Variants in TLR6 observed in about 807,000 individuals in gnomAD.
The protein encoded by TLR6 is toll-like receptor 6.
In TLR6, 9 loss-of-function variants were observed where a neutral mutation model predicts 16.1. The ratio of observed to expected loss-of-function variants is 0.56; its 90% confidence interval spans 0.34 to 0.98. The LOEUF (loss-of-function observed/expected upper bound fraction) is 0.98. TLR6 is among the 50% of genes least tolerant of loss of function. The probability of loss-of-function intolerance (pLI) is 0.02; values close to 1 mark genes in which losing one functional copy is unlikely to be tolerated. For synonymous variants in TLR6, 340 were observed against 338.6 expected (o/e 1.00, Z -0.04); for missense variants, 786 against 921.0 (o/e 0.85, Z 1.90).
At chr4:38,839,052 AAGAG>A (rs1269439847) in intron 1 of TLR6, among the ~76,000 whole-genome samples, 4 of 127,230 alleles carry the variant, frequency 3.1e-5, no homozygotes, top group African/African-American at 1.4e-4. Flanking sequence ...AAGAAAGAAA[AAGAG>A]AGAAAGAAAT....
chr4:38,858,156 G>A (rs1403104333), upstream of TLR6, among the ~76,000 whole-genome samples: 1 of 152,218 alleles, frequency 6.6e-6, no homozygotes, highest in Admixed American at 6.5e-5. Context: ...TAGCGAAGAT[G>A]GCAATGACAG....
Position 38,829,010 on chromosome 4 carries a change from G to A in TLR6, c.464C>T (p.Ala155Val), listed in dbSNP as rs367884238. ...CAAATCTAATTTTTGCAGCTTCATA[G>A]CACTCAATCCCAAGAAATTCAGTTG... Residue 155 changes from alanine (A) to valine (V), a missense_variant, in exon 2 of 2, where the codon GCT becomes GTT. Transcript: ENST00000436693. 1.7e-5 allele frequency: 27 copies of A among 1,613,928 alleles called. No individual in the cohort carries two copies. The African/African-American group carries it at 3.6e-4, about 22-fold the overall frequency.
intron 1 of TLR6, among the ~76,000 whole-genome samples, chr4:38,830,659 G>A (rs1017366653): frequency 1.3e-5 from 2 of 152,134 alleles, no homozygotes; most frequent in African/African-American, 4.8e-5. Context: ...AGGCTCCAAT[G>A]AGCTGTGATT....
the TLR6 span, among the ~76,000 whole-genome samples, chr4:38,866,810 T>TA: frequency 6.6e-6 from 1 of 152,134 alleles, no homozygotes; most frequent in South Asian, 2.1e-4. Context: ...CCACACACTA[T>TA]AAAAAATGGT....
intron 1 of TLR6, among the ~76,000 whole-genome samples, chr4:38,841,127 C>T (rs1212377492): frequency 9.9e-5 from 15 of 152,042 alleles, no homozygotes; most frequent in Non-Finnish European, 1.9e-4. Flanking sequence ...CTATTTTTTA[C>T]AATTTGCTAT....
At position 38,828,982 on chromosome 4, in the gene TLR6, C is replaced by A. The variant is rs56393985; in HGVS notation, c.492G>T (p.Leu164=). Residue 164 remains leucine (L), a synonymous_variant, in exon 2 of 2, where the codon CTG becomes CTT. Coordinates refer to ENST00000436693, the Ensembl canonical transcript of TLR6. ...AACTTAGATGCAAGTGAGCAATTGGCAGCAAATCTAATTTTTGCAGCTTCA... is the reference window on the plus strand; with the variant it reads ...AACTTAGATGCAAGTGAGCAATTGGAAGCAAATCTAATTTTTGCAGCTTCA... 179 of 1,613,786 alleles carry A rather than the reference C, an allele frequency of 1.1e-4. 3 individuals carry two copies. The highest frequency in any genetic ancestry group is 1.1e-3 in the South Asian group (101 of 91,058).
intron 1 of TLR6, among the ~76,000 whole-genome samples, chr4:38,845,800 T>C (rs973140192): frequency 2.6e-5 from 4 of 152,134 alleles, no homozygotes; most frequent in African/African-American, 9.7e-5. Flanking sequence ...AGAAAATTAG[T>C]AGAGACTGGG....
chr4:38,838,412 C>T (rs1044244194), intron 1 of TLR6, among the ~76,000 whole-genome samples: 5 of 152,168 alleles, frequency 3.3e-5, no homozygotes, highest in African/African-American at 1.2e-4. Context: ...TACCATTCAG[C>T]CATTTAAAAT....
chr4:38,829,475 A>G, exon 2 of TLR6: 1 of 1,592,976 alleles, frequency 6.3e-7, no homozygotes, highest in Non-Finnish European at 8.6e-7. Flanking sequence ...TTTGGTCATG[A>G]TGTTGCAGTG....
intron 1 of TLR6, among the ~76,000 whole-genome samples, chr4:38,855,410 T>C (rs1712941509): frequency 6.6e-6 from 1 of 152,162 alleles, no homozygotes; most frequent in Non-Finnish European, 1.5e-5. Flanking sequence ...CCCTAAAATG[T>C]CTCATTTTGA....
chr4:38,829,189 A>G (rs1190681060), exon 2 of TLR6: 1 of 1,614,196 alleles, frequency 6.2e-7, no homozygotes, highest in Admixed American at 1.7e-5. Context: ...TGAACTTGAA[A>G]ACACTTAAAT....
At position 38,847,641 on chromosome 4, in the gene TLR6, G is replaced by C. The variant is rs549018595; in HGVS notation, c.-65+9120C>G. Among the ~76,000 whole-genome samples the C allele has an allele frequency of 2.0e-5, 3 of 152,292 alleles. No homozygotes were observed. The East Asian group carries it at 5.8e-4, about 29-fold the overall frequency. On this transcript the variant is annotated intron_variant, in intron 1 of 1. Coordinates refer to ENST00000436693, the Ensembl canonical transcript of TLR6. The stretch of plus-strand genomic sequence containing the variant: ...ACGGCATACCAGGAGATTATATCCC[G>C]CACCTGGCTTGGAGGGTCCCACACC...
chr4:38,830,014 T>C (rs1040095956), intron 1 of TLR6, among the ~76,000 whole-genome samples: 12 of 152,178 alleles, frequency 7.9e-5, no homozygotes, highest in Non-Finnish European at 1.3e-4. Flanking sequence ...GAAATCTCTG[T>C]ATATACCAGG....
chr4:38,831,338 C>G, intron 1 of TLR6, among the ~76,000 whole-genome samples: 1 of 151,414 alleles, frequency 6.6e-6, no homozygotes, highest in East Asian at 1.9e-4. Flanking sequence ...AGACGCAGAC[C>G]TTACAGTTTT....
chr4:38,866,409 C>T, the TLR6 span, among the ~76,000 whole-genome samples: 3 of 151,948 alleles, frequency 2.0e-5, no homozygotes, highest in Admixed American at 6.5e-5. Flanking sequence ...AGGAGAATTG[C>T]TTGAACCCAG....
At chr4:38,828,147 A>T (rs1727643036) in exon 2 of TLR6, 1 of 1,614,232 alleles carries the variant, frequency 6.2e-7, no homozygotes. Flanking sequence ...CTGAAAACAG[A>T]GTCAGTAAGC....
chr4:38,827,587 C>G lies in TLR6; in HGVS notation c.1887G>C (p.Arg629Ser), dbSNP rs368695795. 2.5e-6 allele frequency: 4 copies of G among 1,614,202 alleles called. No homozygotes were observed. In the South Asian group the frequency reaches 4.4e-5, roughly 18 times the overall value. The stretch of plus-strand genomic sequence containing the variant: ...TTTGGAGTTCTTCTAAGGGTATGTT[C>G]CTGGCCCTGCGCCGAGTCTGGGTCC... The change falls in exon 2 of 2, where the codon AGG (arginine) becomes AGC (serine). Residue 629 changes from arginine (R) to serine (S), a missense_variant. Coordinates refer to ENST00000436693, the Ensembl canonical transcript of TLR6.
chr4:38,852,470 C>T (rs1340103986), intron 1 of TLR6, among the ~76,000 whole-genome samples: 10 of 151,956 alleles, frequency 6.6e-5, no homozygotes, highest in African/African-American at 2.4e-4. Context: ...AAAATTTTTG[C>T]AATCTACTCA....
exon 2 of TLR6, chr4:38,828,408 T>C: frequency 6.2e-7 from 1 of 1,613,572 alleles, no homozygotes; most frequent in African/African-American, 1.3e-5. Context: ...TTCAAAAACT[T>C]GAATGTGCTT....
Sources: allele counts gnomAD v4.1 joint callset (sites outside exome capture counted in the v4.1 genomes callset), GRCh38; gene constraint gnomAD v4.1.1; transcripts MANE v1.5; gene names NCBI Gene and HGNC (gene_info 2026-07-23, HGNC 2026-07-21).